The following BBS9 variants were observed in gnomAD, a reference collection of about 807,000 sequenced individuals.
BBS9 encodes the protein protein PTHB1.
A neutral mutation model predicts 117.7 loss-of-function variants in BBS9; 89 were observed. That is an observed-to-expected ratio of 0.76 (90% CI 0.64 to 0.90). BBS9 has a LOEUF of 0.90. Ranked by LOEUF, BBS9 falls within the 40% of genes least tolerant of loss-of-function variation. The pLI is 0.00. For synonymous variants in BBS9, 379 were observed against 370.9 expected (o/e 1.02, Z -0.25); for missense variants, 982 against 1,042.2 (o/e 0.94, Z 0.80).
At chr7:33,466,158 G>A (rs1030430201) in intron 19 of BBS9, among the ~76,000 whole-genome samples, 4 of 152,024 alleles carry the variant, frequency 2.6e-5, no homozygotes, top group Admixed American at 2.6e-4. Context: ...TTTGTGTGTA[G>A]TGGAAAACTT....
chr7:33,284,710 T>C (rs528894983), intron 9 of BBS9, among the ~76,000 whole-genome samples: 1 of 152,332 alleles, frequency 6.6e-6, no homozygotes, highest in South Asian at 2.1e-4. Flanking sequence ...GCTCTCTTTT[T>C]CCTCATAATT....
At chr7:33,411,465 C>T (rs1831129253) in intron 19 of BBS9, among the ~76,000 whole-genome samples, 3 of 152,284 alleles carry the variant, frequency 2.0e-5, no homozygotes, top group Admixed American at 2.0e-4. Flanking sequence ...GCAAGACTGT[C>T]TTCTTGAAGT....
At chr7:33,577,117 A>G (rs1859038103) in intron 21 of BBS9, among the ~76,000 whole-genome samples, 2 of 152,196 alleles carry the variant, frequency 1.3e-5, no homozygotes, top group South Asian at 4.1e-4. Flanking sequence ...TGAACAGGCA[A>G]CCTACAGAAT....
chr7:33,356,984 G>GA (rs1405624084), intron 15 of BBS9, among the ~76,000 whole-genome samples: 8 of 151,704 alleles, frequency 5.3e-5, no homozygotes, highest in Non-Finnish European at 1.0e-4. Flanking sequence ...CAGAGTTCTA[G>GA]AAAAAAGGAG....
chr7:33,234,402 C>A (rs1429615185), intron 5 of BBS9, among the ~76,000 whole-genome samples: 2 of 151,918 alleles, frequency 1.3e-5, no homozygotes. Flanking sequence ...TTGATATATG[C>A]ATGCATTATA....
At chr7:33,543,469 C>A (rs1342292431) in intron 21 of BBS9, among the ~76,000 whole-genome samples, 1 of 152,108 alleles carries the variant, frequency 6.6e-6, no homozygotes, top group South Asian at 2.1e-4. Flanking sequence ...TAATTAGATC[C>A]CAGCTAATTT....
intron 21 of BBS9, among the ~76,000 whole-genome samples, chr7:33,566,712 A>G (rs13234957): frequency 6.6e-6 from 1 of 151,624 alleles, no homozygotes; most frequent in Non-Finnish European, 1.5e-5. Flanking sequence ...CTGTATGTAT[A>G]CAGTGCATTT....
intron 5 of BBS9, among the ~76,000 whole-genome samples, chr7:33,216,323 A>G (rs1053499380): frequency 5.9e-5 from 9 of 152,326 alleles, no homozygotes; most frequent in Non-Finnish European, 1.0e-4. Flanking sequence ...TGGTTGACAC[A>G]CAATTTTTTT....
chr7:33,583,219 C>T (rs1217703914), intron 21 of BBS9, among the ~76,000 whole-genome samples: 1 of 152,086 alleles, frequency 6.6e-6, no homozygotes, highest in Non-Finnish European at 1.5e-5. Context: ...TTTCCTCTCC[C>T]CTCTACCCTT....
At chr7:33,138,246 C>T (rs1052014472) in intron 1 of BBS9, among the ~76,000 whole-genome samples, 1 of 147,102 alleles carries the variant, frequency 6.8e-6, no homozygotes, top group Non-Finnish European at 1.5e-5. Flanking sequence ...AGAGGACCAG[C>T]TGATTGATGG....
intron 21 of BBS9, among the ~76,000 whole-genome samples, chr7:33,634,449 T>C (rs1331552395): frequency 6.6e-6 from 1 of 152,134 alleles, no homozygotes; most frequent in Non-Finnish European, 1.5e-5. Context: ...ATTCACGTGG[T>C]TGTTGTTAGG....
chr7:33,512,982 G>A (rs1222918190), intron 20 of BBS9, among the ~76,000 whole-genome samples: 2 of 152,190 alleles, frequency 1.3e-5, no homozygotes, highest in Non-Finnish European at 2.9e-5. Flanking sequence ...TCACAGCCCA[G>A]TGCTCTCCCA....
In BBS9 at chr7:33,596,393, A is replaced by ATCTATCTATC. The variant is rs768230309; in HGVS notation, c.2522-8471_2522-8470insCTATCTATCT. Among the ~76,000 whole-genome samples, 5 of 150,778 alleles carry ATCTATCTATC rather than the reference A, an allele frequency of 3.3e-5. No homozygotes were observed. The South Asian group carries it at 1.1e-3, about 32-fold the overall frequency. On this transcript the variant is annotated intron_variant, in intron 21 of 22. Transcript: ENST00000242067. ...TATCTATCTATCTATCTATCTATCT[A>ATCTATCTATC]TATATAATTAGTCAAAAAAATTCCC... is the stretch of plus-strand genomic sequence containing the variant.
chr7:33,580,334 A>C (rs1859674066), intron 21 of BBS9, among the ~76,000 whole-genome samples: 1 of 151,774 alleles, frequency 6.6e-6, no homozygotes. Flanking sequence ...AAAGTTAATC[A>C]CGAGGCATTG....
chr7:33,308,634 A>G (rs532189873), intron 9 of BBS9, among the ~76,000 whole-genome samples: 1 of 152,278 alleles, frequency 6.6e-6, no homozygotes, highest in African/African-American at 2.4e-5. Context: ...TTGTACCATA[A>G]TGATTCTCCA....
chr7:33,341,035 C>G (rs1226758695), intron 11 of BBS9, 62 bp downstream of exon 11: 43 of 1,412,628 alleles, frequency 3.0e-5, no homozygotes, highest in Non-Finnish European at 4.1e-5. Context: ...TGAATTAGGA[C>G]CAAAATGCAT....
intron 20 of BBS9, among the ~76,000 whole-genome samples, chr7:33,517,246 T>A (rs986058995): frequency 3.3e-5 from 5 of 152,184 alleles, no homozygotes; most frequent in Admixed American, 2.0e-4. Flanking sequence ...ACTTTTCATA[T>A]GTTATTTCAT....
intron 19 of BBS9, among the ~76,000 whole-genome samples, chr7:33,489,931 A>G (rs2128992161): frequency 6.6e-6 from 1 of 152,324 alleles, no homozygotes; most frequent in Middle Eastern, 3.4e-3. Context: ...TGATACCAAG[A>G]ATTTAAACAA....
intron 20 of BBS9, among the ~76,000 whole-genome samples, chr7:33,518,245 C>CTTTTTTTTTTTTTTTTTTTTTTT (rs747829401): frequency 4.3e-5 from 4 of 93,930 alleles, no homozygotes; most frequent in Non-Finnish European, 6.0e-5. Context: ...TGTATATATT[C>CTTTTTTTTTTTTTTTTTTTTTTT]TTTTTTTTTT....
Sources: allele counts gnomAD v4.1 joint callset (sites outside exome capture counted in the v4.1 genomes callset), GRCh38; gene constraint gnomAD v4.1.1; transcripts MANE v1.5; gene names NCBI Gene and HGNC (gene_info 2026-07-23, HGNC 2026-07-21).